The following PDE10A variants were observed in gnomAD, a reference collection of about 807,000 sequenced individuals.
The protein encoded by PDE10A is phosphodiesterase 10A, also known as cAMP and cAMP-inhibited cGMP 3',5'-cyclic phosphodiesterase 10A.
In PDE10A, 39 loss-of-function variants were observed where a neutral mutation model predicts 97.7. That is an observed-to-expected ratio of 0.40 (90% CI 0.31 to 0.52). The LOEUF (loss-of-function observed/expected upper bound fraction) is 0.52. Among genes scored for constraint, PDE10A ranks in the 20% least tolerant of loss-of-function variants. PDE10A has a pLI of 0.56. For synonymous variants in PDE10A, 371 were observed against 376.8 expected (o/e 0.98, Z 0.18); for missense variants, 731 against 1,047.8 (o/e 0.70, Z 4.17).
At chr6:165,609,355 C>G (rs1416659105) in intron 1 of PDE10A, among the ~76,000 whole-genome samples, 1 of 152,164 alleles carries the variant, frequency 6.6e-6, no homozygotes, top group Non-Finnish European at 1.5e-5. Context: ...GATGGGACAT[C>G]TCTCAAAATA....
chr6:165,750,130 G>A (rs1039106924), intron 1 of PDE10A, among the ~76,000 whole-genome samples: 1 of 152,164 alleles, frequency 6.6e-6, no homozygotes, highest in African/African-American at 2.4e-5. Flanking sequence ...ATGGGCACAG[G>A]GCAGAAGTGG....
At chr6:165,483,980 A>T (rs2128282294) in intron 2 of PDE10A, among the ~76,000 whole-genome samples, 1 of 152,368 alleles carries the variant, frequency 6.6e-6, no homozygotes. Flanking sequence ...TGAAAGAAAA[A>T]AATTTACCTA....
At chr6:165,920,310 C>T (rs965389426) in intron 1 of PDE10A, among the ~76,000 whole-genome samples, 1 of 152,094 alleles carries the variant, frequency 6.6e-6, no homozygotes, top group Admixed American at 6.5e-5. Flanking sequence ...GTGTATTATC[C>T]ACTTTGCAAA....
chr6:165,690,209 C>T (rs528299181), intron 1 of PDE10A, among the ~76,000 whole-genome samples: 15 of 152,208 alleles, frequency 9.9e-5, no homozygotes, highest in African/African-American at 3.1e-4. Context: ...AGTTTCAGCC[C>T]GAACTCCGCT....
At chr6:165,676,328 C>T (rs2128438092) in intron 1 of PDE10A, among the ~76,000 whole-genome samples, 1 of 152,300 alleles carries the variant, frequency 6.6e-6, no homozygotes, top group African/African-American at 2.4e-5. Context: ...GACTTCACCA[C>T]TATGCACCAT....
At position 165,589,080 on chromosome 6, in the gene PDE10A, T is replaced by C. The variant is rs372868171; in HGVS notation, c.866-45512A>G. Among the ~76,000 whole-genome samples the C allele has an allele frequency of 2.4e-4, 36 of 152,294 alleles. No homozygotes were observed. The East Asian group carries it at 3.5e-3, about 15-fold the overall frequency. On this transcript the variant is annotated intron_variant, in intron 1 of 21. Transcript: ENST00000539869. The stretch of plus-strand genomic sequence containing the variant: ...CACAGATTAATATATTGCCAACATA[T>C]ACAAGCTCACTTGTACATGTCTGTA...
rs547201186 is a variant in PDE10A, at chr6:165,401,606, T to C, written c.2077-5147A>G. Among the ~76,000 whole-genome samples, 96 of 152,294 alleles carry C rather than the reference T, an allele frequency of 6.3e-4. No homozygotes were observed. The Middle Eastern group carries it at 0.01, about 16-fold the overall frequency. On this transcript the variant is annotated intron_variant, in intron 13 of 21. Transcript: ENST00000539869. ...CATTCTGAAATCATCTTCATAACCG[T>C]GATTTTTTTTCTAACTGATAAAATA...
intron 1 of PDE10A, among the ~76,000 whole-genome samples, chr6:165,835,903 T>C (rs1295180400): frequency 6.6e-6 from 1 of 152,188 alleles, no homozygotes; most frequent in African/African-American, 2.4e-5. Flanking sequence ...CTTCCAGTAT[T>C]AGCAGTTTGC....
Position 165,379,339 on chromosome 6 carries a change from G to C in PDE10A, c.2638C>G (p.Leu880Val). 3 of 1,613,108 alleles carry C rather than the reference G, an allele frequency of 1.9e-6. No individual in the cohort carries two copies. Among genetic ancestry groups the C allele is most frequent in the Non-Finnish European group, 2.5e-6 (3 of 1,179,632 alleles). Residue 880 changes from leucine (L) to valine (V), a missense_variant, in exon 18 of 22, where the codon CTG (leucine) becomes GTG (valine). By Grantham distance (32) the Leu-to-Val change is conservative. This residue lies in a region of PDE10A where 25 missense variants were observed against 83.7 expected (regional missense o/e 0.30). Transcript: ENST00000539869. ...ACCTGCTCATATTCACTGGAGCTCA[G>C]AGTGGAGAAGATATTGTGCCCTTCC... ...QLEGHNIFST[L>V]SSSEYEQVLE...
chr6:165,345,606 C>T (rs535870453), intron 18 of PDE10A, among the ~76,000 whole-genome samples: 1 of 152,184 alleles, frequency 6.6e-6, no homozygotes, highest in Non-Finnish European at 1.5e-5. Context: ...GCTAAGCCTA[C>T]TCTTGGTTTG....
chr6:165,513,710 CAT>C (rs1781635909), intron 2 of PDE10A, among the ~76,000 whole-genome samples: 2 of 152,162 alleles, frequency 1.3e-5, no homozygotes, highest in Non-Finnish European at 2.9e-5. Context: ...AGCAATGTTT[CAT>C]AGTTTTCAGT....
At chr6:165,774,586 T>C (rs1000512493) in intron 1 of PDE10A, among the ~76,000 whole-genome samples, 7 of 147,776 alleles carry the variant, frequency 4.7e-5, no homozygotes, top group Admixed American at 1.4e-4. Context: ...TTATATACTA[T>C]ATGTATATAG....
chr6:165,634,257 G>A lies in PDE10A; in HGVS notation c.865+27690C>T, dbSNP rs747315560. 1.8e-4 allele frequency among the ~76,000 whole-genome samples: 27 copies of A among 152,192 alleles called. 1 individual carries two copies. Among genetic ancestry groups the A allele is most frequent in the Non-Finnish European group, 3.1e-4 (21 of 68,038 alleles). ...CAGCGGTGCCCACTGAAGATCGTGT[G>A]TGTGTGTGTGGAGCGTCATGGGTTG... On this transcript the variant is annotated intron_variant, in intron 1 of 21. Transcript: ENST00000539869.
At chr6:165,912,049 CT>C (rs1782475248) in intron 1 of PDE10A, among the ~76,000 whole-genome samples, 1 of 151,814 alleles carries the variant, frequency 6.6e-6, no homozygotes, top group Non-Finnish European at 1.5e-5. Flanking sequence ...CTATCTCTAT[CT>C]CTATTATCTG....
chr6:165,819,604 C>T lies in PDE10A; in HGVS notation c.-615+167925G>A, dbSNP rs1290552006. ...GACCCCCACCCCGAGTTGCCGGACA[C>T]AGTCAGGCAGAGCCGGTTGCTCCTC... On this transcript the variant is annotated intron_variant, in intron 1 of 19. Coordinates refer to the PDE10A transcript ENST00000366882. The surrounding 1 kb of genome is among the most constrained non-coding windows in gnomAD (Gnocchi z 4.2). 1.3e-5 allele frequency among the ~76,000 whole-genome samples: 2 copies of T among 152,186 alleles called. No homozygotes were observed. The highest frequency in any genetic ancestry group is 2.9e-5 in the Non-Finnish European group (2 of 68,036).
chr6:165,951,065 T>C (rs1783941385), intron 1 of PDE10A, among the ~76,000 whole-genome samples: 1 of 152,188 alleles, frequency 6.6e-6, no homozygotes, highest in Admixed American at 6.5e-5. Context: ...AGAAGTCAGT[T>C]TGTGGGATTG....
chr6:165,592,579 T>C (rs2128386393), intron 1 of PDE10A, among the ~76,000 whole-genome samples: 1 of 152,226 alleles, frequency 6.6e-6, no homozygotes, highest in East Asian at 1.9e-4. Flanking sequence ...ATCCAGAATC[T>C]ACAAGGAATT....
chr6:165,946,658 A>C (rs1463480314), intron 1 of PDE10A: 1 of 152,196 alleles, frequency 6.6e-6, no homozygotes, highest in South Asian at 2.1e-4. Flanking sequence ...ATGTATATAT[A>C]TTTCAAAACA....
chr6:165,343,498 G>A lies in PDE10A; in HGVS notation c.2788C>T (p.Arg930Cys), dbSNP rs1486730580. 10 of 1,608,946 alleles carry A rather than the reference G, an allele frequency of 6.2e-6. No individual in the cohort carries two copies. The highest frequency in any genetic ancestry group is 1.3e-5 in the African/African-American group (1 of 74,780). The change falls in exon 19 of 22, where the codon CGT (arginine) becomes TGT (cysteine). Residue 930 changes from arginine to cysteine, a missense_variant. By Grantham distance (180) the Arg-to-Cys change is radical (BLOSUM62 -3). Coordinates refer to ENST00000539869, the MANE Select transcript of PDE10A (RefSeq NM_001385079.1). The part of the protein sequence containing the change: ...LNLNNQSHRD[R>C]VIGLMMTACD... ...GCAGTCATCATCAAACCAATTACAC[G>A]GTCTCTAGAACACAACAATATAAGA... is the stretch of plus-strand genomic sequence containing the variant.
Sources: allele counts gnomAD v4.1 joint callset (sites outside exome capture counted in the v4.1 genomes callset), GRCh38; gene constraint gnomAD v4.1.1; regional missense constraint gnomAD v4.1.1; non-coding constraint Gnocchi (gnomAD v3.1); transcripts MANE v1.5; gene names NCBI Gene and HGNC (gene_info 2026-07-23, HGNC 2026-07-21).